KAT2B: variants seen among roughly 807,000 people sequenced by gnomAD.
KAT2B encodes histone acetyltransferase KAT2B.
Under a neutral mutation model 105.9 loss-of-function variants are expected in KAT2B, and 36 were observed. That is an observed-to-expected ratio of 0.34 (90% confidence interval 0.26 to 0.45). The LOEUF is 0.45. KAT2B is among the 20% of genes least tolerant of loss of function. KAT2B has a pLI of 1.00. For missense variants in KAT2B, 820 were observed against 1,021.6 expected (o/e 0.80, Z 2.69); for synonymous variants, 397 against 377.9 (o/e 1.05, Z -0.59).
chr3:20,093,919 G>A lies in KAT2B; in HGVS notation c.431-1344G>A, dbSNP rs138274626. On this transcript the variant is annotated intron_variant, in intron 2 of 17. Transcript: ENST00000263754. ...GGGTGATTATTAGATGGTTTATCTA[G>A]GGATCCTTTTTCAAGTGAAAAGGGA... Among the ~76,000 whole-genome samples the A allele has an allele frequency of 2.8e-4, 42 of 152,230 alleles. 2 individuals carry two copies. In the East Asian group the frequency reaches 7.9e-3, roughly 29 times the overall value.
rs933382889 is a variant in KAT2B at position 20,045,178 on chromosome 3, C to T, written c.303+4398C>T. Among the ~76,000 whole-genome samples the T allele has an allele frequency of 4.0e-5, 6 of 151,748 alleles. No homozygotes were observed. In the South Asian group the frequency reaches 1.2e-3, roughly 32 times the overall value. On this transcript the variant is annotated intron_variant, in intron 1 of 17. Transcript: ENST00000263754. ...CACAGGCATGCACCACCATACTTGG[C>T]TAATTTTTGTATTTTTTTTGGTAGA...
intron 5 of KAT2B, among the ~76,000 whole-genome samples, chr3:20,104,687 A>G (rs980240529): frequency 2.6e-5 from 4 of 152,232 alleles, no homozygotes; most frequent in South Asian, 2.1e-4. Flanking sequence ...AAATGTTTGC[A>G]GTATATCAGT....
chr3:20,044,482 C>T (rs1046698385), intron 1 of KAT2B, among the ~76,000 whole-genome samples: 1 of 151,966 alleles, frequency 6.6e-6, no homozygotes, highest in Non-Finnish European at 1.5e-5. Flanking sequence ...CACTTCAGGC[C>T]CTTTAATTTC....
chr3:20,127,402 G>T, intron 10 of KAT2B, 21 bp from the exon 11 acceptor site: 1 of 1,607,274 alleles, frequency 6.2e-7, no homozygotes, highest in South Asian at 1.1e-5. Flanking sequence ...GTAAAACTTT[G>T]ACATAATCTT....
At chr3:20,149,519 A>AAAAAAAAAAAAAAAAAAAAAAAG in intron 17 of KAT2B, among the ~76,000 whole-genome samples, 1 of 149,520 alleles carries the variant, frequency 6.7e-6, no homozygotes, top group Non-Finnish European at 1.5e-5. Context: ...AAAAAAAAAA[A>AAAAAAAAAAAAAAAAAAAAAAAG]ATTGTGGAAG....
At chr3:20,129,961 C>T (rs1053244495) in intron 11 of KAT2B, among the ~76,000 whole-genome samples, 171 of 151,028 alleles carry the variant, frequency 1.1e-3, no homozygotes, top group Non-Finnish European at 2.7e-4. Context: ...TCACAGTACC[C>T]ATTTTTTAAA....
chr3:20,071,025 A>G (rs1575116036), intron 1 of KAT2B, among the ~76,000 whole-genome samples: 1 of 151,544 alleles, frequency 6.6e-6, no homozygotes, highest in African/African-American at 2.4e-5. Flanking sequence ...AAAAAAAACC[A>G]AAAAGTTTGG....
At chr3:20,057,278 G>A (rs938942713) in intron 1 of KAT2B, among the ~76,000 whole-genome samples, 1 of 152,110 alleles carries the variant, frequency 6.6e-6, no homozygotes, top group Non-Finnish European at 1.5e-5. Flanking sequence ...AAACTGACTG[G>A]GCAGAAATGC....
intron 11 of KAT2B, among the ~76,000 whole-genome samples, chr3:20,135,676 A>G (rs1266685018): frequency 3.9e-5 from 6 of 151,978 alleles, no homozygotes; most frequent in Non-Finnish European, 8.8e-5. Flanking sequence ...ATAAAAACCA[A>G]AGTGATTAGT....
intron 11 of KAT2B, among the ~76,000 whole-genome samples, chr3:20,130,676 A>G (rs956191480): frequency 7.2e-5 from 11 of 152,134 alleles, no homozygotes; most frequent in Admixed American, 1.3e-4. Flanking sequence ...CAGAAAGGCA[A>G]TTCCCCCCCA....
At chr3:20,087,979 C>G (rs1287417614) in intron 2 of KAT2B, among the ~76,000 whole-genome samples, 1 of 152,006 alleles carries the variant, frequency 6.6e-6, no homozygotes, top group African/African-American at 2.4e-5. Context: ...CAGGGTCTTG[C>G]CATCTTACCA....
chr3:20,042,175 A>G (rs907644923), intron 1 of KAT2B, among the ~76,000 whole-genome samples: 1 of 152,232 alleles, frequency 6.6e-6, no homozygotes, highest in Non-Finnish European at 1.5e-5. Context: ...AAGTGATGCT[A>G]TGCTAGTCCA....
At chr3:20,089,691 C>T (rs936135524) in intron 2 of KAT2B, among the ~76,000 whole-genome samples, 20 of 152,056 alleles carry the variant, frequency 1.3e-4, no homozygotes, top group South Asian at 2.1e-4. Flanking sequence ...TGAGCCACTG[C>T]GCCTGGCCTA....
intron 13 of KAT2B, 52 bp from the exon 14 acceptor site, chr3:20,146,264 C>A: frequency 2.9e-6 from 3 of 1,020,152 alleles, no homozygotes; most frequent in Non-Finnish European, 4.6e-6. Context: ...CTGACTTGAA[C>A]TGTATCCATA....
chr3:20,131,010 C>CTTTT (rs148208028), intron 11 of KAT2B, among the ~76,000 whole-genome samples: 2 of 74,706 alleles, frequency 2.7e-5, no homozygotes, highest in African/African-American at 9.6e-5. Context: ...GTTTCCTGGC[C>CTTTT]TTTTTTTTTT....
At position 20,079,473 on chromosome 3, in the gene KAT2B, G is replaced by A. The variant is rs377473233; in HGVS notation, c.430+7014G>A. Among the ~76,000 whole-genome samples, 195 of 152,206 alleles carry A rather than the reference G, an allele frequency of 1.3e-3. 10 individuals are homozygous for A. The South Asian group carries it at 0.04, about 31-fold the overall frequency. ...CCCGCTTCAGCCTCCCCAAATGCTG[G>A]GATTACAGGCGTGAGCCACCGCTTC... On this transcript the variant is annotated intron_variant, in intron 2 of 17. Coordinates refer to ENST00000263754, the MANE Select transcript of KAT2B (RefSeq NM_003884.5).
intron 1 of KAT2B, among the ~76,000 whole-genome samples, chr3:20,070,309 CTT>C (rs66606824): frequency 5.8e-5 from 5 of 86,464 alleles, no homozygotes; most frequent in Non-Finnish European, 4.8e-5. Flanking sequence ...TTCTTTCTTT[CTT>C]TTTTTTTTTT....
intron 1 of KAT2B, among the ~76,000 whole-genome samples, chr3:20,047,597 C>T (rs540039926): frequency 7.8e-4 from 114 of 146,442 alleles, no homozygotes; most frequent in African/African-American, 2.4e-3. Context: ...TTCCTCTTGC[C>T]GTGAGTACCT....
At chr3:20,151,950 G>A (rs933804975) in intron 17 of KAT2B, among the ~76,000 whole-genome samples, 1 of 152,046 alleles carries the variant, frequency 6.6e-6, no homozygotes, top group Non-Finnish European at 1.5e-5. Context: ...GAATACAAAC[G>A]TTCCACCTGC....
Sources: gnomAD v4.1 joint callset for allele counts (sites outside exome capture counted in the v4.1 genomes callset) on GRCh38, gnomAD v4.1.1 for gene constraint, MANE v1.5 for transcripts, NCBI Gene and HGNC (gene_info 2026-07-23, HGNC 2026-07-21) for gene names.